GALNTL6: variants seen among roughly 807,000 people sequenced by gnomAD.
GALNTL6 encodes polypeptide N-acetylgalactosaminyltransferase-like 6.
In GALNTL6, 46 loss-of-function variants were observed where a neutral mutation model predicts 73.7. The ratio of observed to expected loss-of-function variants is 0.62; its 90% CI spans 0.49 to 0.80. GALNTL6 has a LOEUF of 0.80. Ranked by LOEUF, GALNTL6 falls within the 30% of genes least tolerant of loss-of-function variation. The probability of loss-of-function intolerance (pLI) is 0.00; values close to 1 mark genes in which losing one functional copy is unlikely to be tolerated. For synonymous variants in GALNTL6, 259 were observed against 263.7 expected, an observed-to-expected ratio of 0.98 and a Z score of 0.17; for missense variants, 604 against 755.0, an observed-to-expected ratio of 0.80 and a Z score of 2.34.
intron 2 of GALNTL6, among the ~76,000 whole-genome samples, chr4:171,948,268 C>A (rs565951404): frequency 1.3e-5 from 2 of 152,062 alleles, no homozygotes; most frequent in Admixed American, 6.6e-5. Context: ...TATGAGTCTG[C>A]GGTACCTGTC....
chr4:172,365,167 T>G (rs1207779997), intron 5 of GALNTL6, among the ~76,000 whole-genome samples: 4 of 152,148 alleles, frequency 2.6e-5, no homozygotes, highest in Non-Finnish European at 5.9e-5. Context: ...TTTAAGGGTT[T>G]AGGGAGAGAG....
intron 8 of GALNTL6, among the ~76,000 whole-genome samples, chr4:172,913,673 GA>G (rs1747341621): frequency 6.6e-6 from 1 of 152,098 alleles, no homozygotes; most frequent in South Asian, 2.1e-4. Flanking sequence ...GAAATGAAGT[GA>G]GAAGAGAAGT....
At chr4:172,700,351 C>T (rs1733956629) in intron 5 of GALNTL6, among the ~76,000 whole-genome samples, 1 of 152,062 alleles carries the variant, frequency 6.6e-6, no homozygotes. Context: ...TTAAAAACAA[C>T]ATGAAGGAAT....
intron 2 of GALNTL6, among the ~76,000 whole-genome samples, chr4:171,853,599 C>CTTTTTTTTTTTT (rs35078885): frequency 2.8e-5 from 1 of 35,310 alleles, no homozygotes; most frequent in Non-Finnish European, 5.4e-5. Flanking sequence ...TTTAGCCACT[C>CTTTTTTTTTTTT]TTTTTTTTTT....
chr4:172,138,490 TATATATATATATATATATATATA>T (rs1325272114), intron 2 of GALNTL6, among the ~76,000 whole-genome samples: 16 of 6,568 alleles, frequency 2.4e-3, no homozygotes, highest in African/African-American at 4.6e-3. Flanking sequence ...TATATATATA[TATATATATATATATATATATATA>T]TTTTTTTTTT....
At chr4:172,768,537 A>G in intron 5 of GALNTL6, among the ~76,000 whole-genome samples, 1 of 152,218 alleles carries the variant, frequency 6.6e-6, no homozygotes, top group Non-Finnish European at 1.5e-5. Flanking sequence ...TACTCAAGAA[A>G]GATTCATGCA....
chr4:172,229,825 G>T, intron 3 of GALNTL6, 61 bp downstream of exon 3: 1 of 977,220 alleles, frequency 1.0e-6, no homozygotes. Flanking sequence ...CATTTGTCAC[G>T]TAAAGGATCT....
intron 2 of GALNTL6, among the ~76,000 whole-genome samples, chr4:171,883,801 C>G (rs977686581): frequency 1.2e-4 from 18 of 151,996 alleles, no homozygotes; most frequent in Admixed American, 1.0e-3. Context: ...GCGCCTGCCA[C>G]CACACCTGGC....
At chr4:172,425,491 G>C (rs1472341689) in intron 5 of GALNTL6, among the ~76,000 whole-genome samples, 1 of 151,910 alleles carries the variant, frequency 6.6e-6, no homozygotes, top group Non-Finnish European at 1.5e-5. Context: ...TCTTACCAAA[G>C]TACACACTGA....
intron 4 of GALNTL6, among the ~76,000 whole-genome samples, chr4:172,342,607 T>C (rs1302771424): frequency 6.6e-6 from 1 of 152,246 alleles, no homozygotes; most frequent in Non-Finnish European, 1.5e-5. Flanking sequence ...TCCTCTGTTG[T>C]CATGCTTCTA....
At chr4:171,940,538 A>G (rs1228164326) in intron 2 of GALNTL6, among the ~76,000 whole-genome samples, 1 of 152,068 alleles carries the variant, frequency 6.6e-6, no homozygotes, top group Non-Finnish European at 1.5e-5. Context: ...AAAGAGGTGA[A>G]GGGCCAGGCG....
intron 5 of GALNTL6, among the ~76,000 whole-genome samples, chr4:172,530,572 A>T (rs1372907596): frequency 6.6e-6 from 1 of 152,174 alleles, no homozygotes; most frequent in African/African-American, 2.4e-5. Context: ...GTTAATCAGG[A>T]TAGTAGTGTT....
chr4:172,498,975 C>A (rs1023236594), intron 5 of GALNTL6, among the ~76,000 whole-genome samples: 1 of 152,174 alleles, frequency 6.6e-6, no homozygotes, highest in South Asian at 2.1e-4. Flanking sequence ...AAAAACCTTA[C>A]TTAGTCTGGC....
chr4:172,067,239 G>A (rs917254446), intron 2 of GALNTL6, among the ~76,000 whole-genome samples: 99 of 151,980 alleles, frequency 6.5e-4, no homozygotes, highest in Non-Finnish European at 1.3e-3. Flanking sequence ...CACAATTACA[G>A]GGCTCCAGTC....
intron 5 of GALNTL6, among the ~76,000 whole-genome samples, chr4:172,759,861 G>T (rs1382977458): frequency 3.3e-5 from 4 of 122,034 alleles, no homozygotes; most frequent in Non-Finnish European, 4.7e-5. Flanking sequence ...ACGGAGTCTC[G>T]CTCTGTCGCC....
At chr4:171,850,284 T>C (rs1460433946) in intron 2 of GALNTL6, among the ~76,000 whole-genome samples, 1 of 152,156 alleles carries the variant, frequency 6.6e-6, no homozygotes, top group Non-Finnish European at 1.5e-5. Context: ...TTGGGCCCTA[T>C]GCATCAAAAC....
intron 2 of GALNTL6, among the ~76,000 whole-genome samples, chr4:172,186,744 A>C (rs1735427276): frequency 6.6e-6 from 1 of 152,078 alleles, no homozygotes; most frequent in South Asian, 2.1e-4. Context: ...ACAGACACAG[A>C]ATAAAGGTAG....
At chr4:172,486,104 T>A (rs1053663829) in intron 5 of GALNTL6, among the ~76,000 whole-genome samples, 1 of 152,220 alleles carries the variant, frequency 6.6e-6, no homozygotes, top group African/African-American at 2.4e-5. Flanking sequence ...GCGCTGGAGA[T>A]TTTAGTCTAA....
At chr4:171,988,358 T>G (rs1369552201) in intron 2 of GALNTL6, among the ~76,000 whole-genome samples, 1 of 152,142 alleles carries the variant, frequency 6.6e-6, no homozygotes, top group East Asian at 1.9e-4. Context: ...TGGATGAAAT[T>G]TGGGCTTGAC....
Sources: gnomAD v4.1 joint callset for allele counts (sites outside exome capture counted in the v4.1 genomes callset) on GRCh38, gnomAD v4.1.1 for gene constraint, MANE v1.5 for transcripts, NCBI Gene and HGNC (gene_info 2026-07-23, HGNC 2026-07-21) for gene names.